The following DNASE1 variants were observed in gnomAD, a reference collection of about 807,000 sequenced individuals.
The protein encoded by DNASE1 is deoxyribonuclease 1, also known as deoxyribonuclease-1.
Under a neutral mutation model 33.9 loss-of-function variants are expected in DNASE1, and 40 were observed. The ratio of observed to expected loss-of-function variants is 1.18; its 90% CI spans 0.92 to 1.54. The LOEUF is 1.54. DNASE1 is among the 40% of genes most tolerant of loss of function. The probability of loss-of-function intolerance (pLI) is 0.00; values close to 1 mark genes in which losing one functional copy is unlikely to be tolerated. For synonymous variants in DNASE1, 216 were observed against 160.0 expected (o/e 1.35, Z -2.64); for missense variants, 518 against 372.6 (o/e 1.39, Z -3.21).
chr16:3,638,035 G>C (rs190881921), upstream of DNASE1, among the ~76,000 whole-genome samples: 34 of 152,044 alleles, frequency 2.2e-4, no homozygotes, highest in Admixed American at 1.3e-4. Flanking sequence ...AAGAATGAAA[G>C]TCCTTTGCCT....
At chr16:3,613,822 A>C (rs1461542612) in intron 1 of DNASE1, among the ~76,000 whole-genome samples, 2 of 150,322 alleles carry the variant, frequency 1.3e-5, no homozygotes, top group Non-Finnish European at 3.0e-5. Context: ...GGTGTGTGCA[A>C]CCTCCACTTC....
Position 3,657,903 on chromosome 16 carries a change from C to T in DNASE1, c.802-3C>T, listed in dbSNP as rs1346397007. The T allele has an allele frequency of 3.1e-6, 5 of 1,614,016 alleles. No individual in the cohort carries two copies. Among genetic ancestry groups the T allele is most frequent in the South Asian group, 1.1e-5 (1 of 91,080 alleles). On this transcript the variant is annotated splice_region_variant and splice_polypyrimidine_tract_variant and intron_variant, in intron 8 of 8. Transcript: ENST00000246949. ...CCCAGACCCTGTGCCCACTTGCCTG[C>T]AGGCCCAAGCCATCAGTGACCACTA...
chr16:3,658,815 A>G, downstream of DNASE1: 1 of 1,613,898 alleles, frequency 6.2e-7, no homozygotes, highest in Non-Finnish European at 8.5e-7. Context: ...CAGCTGAGCC[A>G]GGCCAGGCTC....
At chr16:3,655,230 T>C (rs2042521358) in intron 1 of DNASE1, 143 bp from the exon 2 acceptor site, 1 of 1,180,804 alleles carries the variant, frequency 8.5e-7, no homozygotes, top group Non-Finnish European at 1.2e-6. Flanking sequence ...TTTCTGGACG[T>C]TGTAGGAAAG....
chr16:3,662,979 C>T (rs769531750), downstream of DNASE1: 2 of 1,595,732 alleles, frequency 1.3e-6, no homozygotes, highest in South Asian at 2.2e-5. Flanking sequence ...TGCGGAAGAG[C>T]AGGCGACAGG....
At chr16:3,642,093 G>C (rs778724301), upstream of DNASE1, among the ~76,000 whole-genome samples, 4 of 152,222 alleles carry the variant, frequency 2.6e-5, no homozygotes, top group Non-Finnish European at 5.9e-5. Context: ...CAGAGTTCCT[G>C]CTGGGCTCGG....
downstream of DNASE1, chr16:3,658,316 C>G: frequency 8.8e-7 from 1 of 1,132,420 alleles, no homozygotes; most frequent in African/African-American, 1.6e-5. Context: ...TCACTGTTGC[C>G]GAGGCTGGAG....
At chr16:3,617,449 T>G (rs1365997106) in intron 1 of DNASE1, among the ~76,000 whole-genome samples, 1 of 151,970 alleles carries the variant, frequency 6.6e-6, no homozygotes, top group African/African-American at 2.4e-5. Context: ...ATGAATTGGA[T>G]TTAATCAAAA....
chr16:3,637,568 G>C (rs2041906547), intron 1 of DNASE1, among the ~76,000 whole-genome samples: 1 of 152,170 alleles, frequency 6.6e-6, no homozygotes, highest in Non-Finnish European at 1.5e-5. Flanking sequence ...TGCTTAAGTT[G>C]GGTCAACCTT....
rs755627104 is a variant in DNASE1, at chr16:3,657,054, C to T, written c.492C>T (p.Ala164=). The T allele has an allele frequency of 2.0e-5, 33 of 1,613,884 alleles. No individual in the cohort carries two copies. The highest frequency in any genetic ancestry group is 1.6e-4 in the Middle Eastern group (1 of 6,084). The change falls in exon 6 of 9, where the codon GCC becomes GCT. Residue 164 remains alanine, a synonymous_variant. Coordinates refer to ENST00000246949, the MANE Select transcript of DNASE1 (RefSeq NM_005223.4). ...PLHAAPGDAV[A]EIDALYDVYL... ...ATGCGGCCCCGGGGGACGCAGTAGC[C>T]GAGATCGACGCTCTCTATGACGTCT...
intron 1 of DNASE1, among the ~76,000 whole-genome samples, chr16:3,626,137 T>C (rs2041502415): frequency 6.6e-6 from 1 of 151,800 alleles, no homozygotes; most frequent in African/African-American, 2.4e-5. Flanking sequence ...AGAAGATGTG[T>C]GTGATGTGCA....
downstream of DNASE1, chr16:3,658,263 G>A: frequency 6.5e-7 from 1 of 1,534,226 alleles, no homozygotes; most frequent in Non-Finnish European, 8.9e-7. Flanking sequence ...CATTATGAGG[G>A]GCATGGGGCA....
chr16:3,618,544 A>G (rs923972574), intron 1 of DNASE1, among the ~76,000 whole-genome samples: 1 of 152,204 alleles, frequency 6.6e-6, no homozygotes, highest in African/African-American at 2.4e-5. Flanking sequence ...AGCTTGGCCA[A>G]TATGGTGAAA....
chr16:3,636,306 T>C (rs1247966025), intron 1 of DNASE1, among the ~76,000 whole-genome samples: 1 of 152,244 alleles, frequency 6.6e-6, no homozygotes, highest in African/African-American at 2.4e-5. Flanking sequence ...TCTGCTGAAA[T>C]TACCCATCTG....
At chr16:3,652,848 T>C (rs1274382464), upstream of DNASE1, 1 of 152,340 alleles carries the variant, frequency 6.6e-6, no homozygotes, top group Non-Finnish European at 1.5e-5. Context: ...ACCCCATTTG[T>C]ATTCATTTCC....
At chr16:3,642,601 G>T (rs1160818971), upstream of DNASE1, among the ~76,000 whole-genome samples, 2 of 152,216 alleles carry the variant, frequency 1.3e-5, no homozygotes, top group Non-Finnish European at 2.9e-5. Context: ...CCCAGCTCTC[G>T]TGGGGCTCGC....
chr16:3,657,444 C>T lies in DNASE1; in HGVS notation c.704+103C>T, dbSNP rs1024506884. On this transcript the variant is annotated intron_variant, in intron 7 of 8. Transcript: ENST00000246949. Reference sequence around the variant, plus strand: ...GCCTCAAAGCCTTTGAACACTCACCCAACTGAGCTTCAGTTGATCCACTAC... The same window carrying T: ...GCCTCAAAGCCTTTGAACACTCACCTAACTGAGCTTCAGTTGATCCACTAC... 144 of 1,464,218 alleles carry T rather than the reference C, an allele frequency of 9.8e-5. 1 individual carries two copies. Among genetic ancestry groups the T allele is most frequent in the Non-Finnish European group, 1.2e-4 (127 of 1,081,634 alleles). The allele number at this position is 1,464,218 out of a possible 1,614,324, so 90.7% of individuals were successfully genotyped here. A position where few individuals can be genotyped will look rare whatever the true frequency, so the allele number is the denominator to read the frequency against.
chr16:3,651,633 A>G (rs1314886422), upstream of DNASE1: 1 of 152,298 alleles, frequency 6.6e-6, no homozygotes, highest in East Asian at 1.9e-4. Flanking sequence ...TTAGGGCGGC[A>G]CGTGTTCTGC....
At chr16:3,662,198 A>G, downstream of DNASE1, 1 of 1,560,118 alleles carries the variant, frequency 6.4e-7, no homozygotes, top group Non-Finnish European at 8.7e-7. Flanking sequence ...GCAGGATCTT[A>G]CCAGGGGTGA....
Sources: allele counts gnomAD v4.1 joint callset (sites outside exome capture counted in the v4.1 genomes callset), GRCh38; gene constraint gnomAD v4.1.1; transcripts MANE v1.5; gene names NCBI Gene and HGNC (gene_info 2026-07-23, HGNC 2026-07-21).